The following RBMS3 variants were observed in gnomAD, a reference collection of about 807,000 sequenced individuals.
The protein encoded by RBMS3 is RNA-binding motif, single-stranded-interacting protein 3.
Under a neutral mutation model 66.8 loss-of-function variants are expected in RBMS3, and 27 were observed. The ratio of observed to expected loss-of-function variants is 0.40; its 90% CI spans 0.30 to 0.56. The LOEUF is 0.56. Ranked by LOEUF, RBMS3 falls within the 20% of genes least tolerant of loss-of-function variation. The probability of loss-of-function intolerance (pLI) is 0.40; values close to 1 mark genes in which losing one functional copy is unlikely to be tolerated. For missense variants in RBMS3, 513 were observed against 549.5 expected, an observed-to-expected ratio of 0.93 and a Z score of 0.66; for synonymous variants, 188 against 183.0, an observed-to-expected ratio of 1.03 and a Z score of -0.22.
At chr3:29,597,027 T>C (rs181632286) in intron 4 of RBMS3, among the ~76,000 whole-genome samples, 2 of 152,118 alleles carry the variant, frequency 1.3e-5, no homozygotes, top group Non-Finnish European at 2.9e-5. Context: ...TATTGACTGG[T>C]GGAATGGGAC....
intron 3 of RBMS3, among the ~76,000 whole-genome samples, chr3:29,522,053 C>T (rs978070373): frequency 4.6e-5 from 7 of 152,164 alleles, no homozygotes; most frequent in African/African-American, 1.4e-4. Flanking sequence ...ATAAAATTAG[C>T]GTTTAGTTAG....
At chr3:29,304,034 AC>A (rs1435406683) in intron 1 of RBMS3, among the ~76,000 whole-genome samples, 2 of 152,010 alleles carry the variant, frequency 1.3e-5, no homozygotes, top group Non-Finnish European at 2.9e-5. Flanking sequence ...ATTATCTCCC[AC>A]CAGGTCCCTC....
intron 2 of RBMS3, among the ~76,000 whole-genome samples, chr3:29,473,585 C>T (rs1347830307): frequency 6.6e-6 from 1 of 152,322 alleles, no homozygotes; most frequent in East Asian, 1.9e-4. Context: ...CTCGGGTGCA[C>T]AGGAGCCCAC....
chr3:29,677,231 A>G (rs2051294346), intron 4 of RBMS3, among the ~76,000 whole-genome samples: 1 of 152,186 alleles, frequency 6.6e-6, no homozygotes, highest in South Asian at 2.1e-4. Flanking sequence ...TTAAATTTCA[A>G]CATGAGATTT....
chr3:29,852,999 T>C (rs1460022153), intron 6 of RBMS3, among the ~76,000 whole-genome samples: 1 of 152,186 alleles, frequency 6.6e-6, no homozygotes, highest in African/African-American at 2.4e-5. Context: ...AAAGATCATG[T>C]CCTTTTCAGG....
rs17024312 is a variant in RBMS3, at chr3:29,739,614, T to C, written c.400-106T>C. 3.5e-3 allele frequency: 3,727 copies of C among 1,056,540 alleles called. 98 individuals are homozygous for C. In the African/African-American group the frequency reaches 0.054, roughly 15 times the overall value. The allele number at this position is 1,056,540 out of a possible 1,614,324, so 65.4% of individuals were successfully genotyped here. A position where few individuals can be genotyped will look rare whatever the true frequency, so the allele number is the denominator to read the frequency against. On this transcript the variant is annotated intron_variant, in intron 4 of 14. Transcript: ENST00000383767. Reference sequence around the variant, plus strand: ...CCTAGTGAAAGCACTTTCAAGAGCATTTTGGAGATTATTATCTAGATTGCA... The same window carrying C: ...CCTAGTGAAAGCACTTTCAAGAGCACTTTGGAGATTATTATCTAGATTGCA...
At chr3:29,892,802 A>AGTATGTATGTAT (rs370739212) in intron 8 of RBMS3, among the ~76,000 whole-genome samples, 167 of 140,284 alleles carry the variant, frequency 1.2e-3, no homozygotes, top group African/African-American at 1.6e-3. Context: ...CTCTGCTTGA[A>AGTATGTATGTAT]GTATGTATGT....
At chr3:29,476,228 C>G (rs899411299) in intron 2 of RBMS3, among the ~76,000 whole-genome samples, 6 of 152,134 alleles carry the variant, frequency 3.9e-5, no homozygotes, top group Non-Finnish European at 8.8e-5. Flanking sequence ...TAACATAAGC[C>G]TGAAATTTCT....
intron 2 of RBMS3, among the ~76,000 whole-genome samples, chr3:29,445,730 A>G (rs956466743): frequency 6.6e-6 from 1 of 152,134 alleles, no homozygotes; most frequent in Non-Finnish European, 1.5e-5. Flanking sequence ...ATTGAGAATA[A>G]GGTACAGTTA....
intron 3 of RBMS3, among the ~76,000 whole-genome samples, chr3:29,573,541 G>A (rs377181539): frequency 7.2e-5 from 11 of 151,732 alleles, no homozygotes; most frequent in African/African-American, 2.2e-4. Context: ...TCTATCTTTT[G>A]TATTATTTTC....
chr3:29,444,787 C>T (rs78842902), intron 2 of RBMS3, among the ~76,000 whole-genome samples: 2,599 of 27,018 alleles, frequency 0.096, 134 homozygotes, highest in African/African-American at 0.2. Context: ...GAAATATATG[C>T]CTTTTTTTTT....
intron 4 of RBMS3, among the ~76,000 whole-genome samples, chr3:29,623,606 AAAG>A (rs1253676766): frequency 6.6e-6 from 1 of 151,992 alleles, no homozygotes; most frequent in African/African-American, 2.4e-5. Flanking sequence ...AAAAAAAAAA[AAAG>A]GTATAAAAGT....
chr3:29,448,746 C>T (rs1452992769), intron 2 of RBMS3, among the ~76,000 whole-genome samples: 2 of 152,172 alleles, frequency 1.3e-5, no homozygotes, highest in African/African-American at 2.4e-5. Flanking sequence ...AGCAGGCAAA[C>T]TAGGCCTCCC....
intron 3 of RBMS3, among the ~76,000 whole-genome samples, chr3:29,500,122 T>C (rs1175471326): frequency 2.0e-4 from 30 of 150,752 alleles, no homozygotes; most frequent in Non-Finnish European, 7.4e-5. Context: ...GTAGGCTCAT[T>C]AAAAAAAATA....
At chr3:29,802,830 T>C (rs1321376998) in intron 6 of RBMS3, among the ~76,000 whole-genome samples, 2 of 152,180 alleles carry the variant, frequency 1.3e-5, no homozygotes, top group Non-Finnish European at 2.9e-5. Flanking sequence ...GGTGTAGTTG[T>C]AACATTTATA....
At chr3:29,652,750 G>A (rs763143814) in intron 4 of RBMS3, among the ~76,000 whole-genome samples, 2 of 152,032 alleles carry the variant, frequency 1.3e-5, no homozygotes, top group South Asian at 2.1e-4. Flanking sequence ...CTCTAATCTC[G>A]GAAGTCTTGA....
At chr3:29,734,264 A>G (rs1418639497) in intron 4 of RBMS3, among the ~76,000 whole-genome samples, 1 of 152,120 alleles carries the variant, frequency 6.6e-6, no homozygotes, top group Non-Finnish European at 1.5e-5. Context: ...AAGTGGGGAT[A>G]TGGGGCTCTT....
intron 3 of RBMS3, among the ~76,000 whole-genome samples, chr3:29,574,704 G>A (rs114812288): frequency 0.017 from 2,608 of 151,468 alleles, 77 homozygotes; most frequent in African/African-American, 0.059. Context: ...TTAATTTCTT[G>A]CTTTTTATTT....
chr3:29,838,460 T>A (rs1055311978), intron 6 of RBMS3, among the ~76,000 whole-genome samples: 3 of 152,186 alleles, frequency 2.0e-5, no homozygotes, highest in Non-Finnish European at 4.4e-5. Flanking sequence ...TTCTTCAATG[T>A]TATGTTAATT....
Sources: gnomAD v4.1 joint callset for allele counts (sites outside exome capture counted in the v4.1 genomes callset) on GRCh38, gnomAD v4.1.1 for gene constraint, MANE v1.5 for transcripts, NCBI Gene and HGNC (gene_info 2026-07-23, HGNC 2026-07-21) for gene names.